The following SORCS3 variants were observed in gnomAD, a reference collection of about 807,000 sequenced individuals.
SORCS3 encodes sortilin related VPS10 domain containing receptor 3.
SORCS3 carries 57 observed loss-of-function variants against 146.3 expected under a neutral mutation model. That is an observed-to-expected ratio of 0.39 (90% confidence interval 0.31 to 0.49). The LOEUF (loss-of-function observed/expected upper bound fraction) is 0.49. Among genes scored for constraint, SORCS3 ranks in the 20% least tolerant of loss-of-function variants. SORCS3 has a pLI of 0.92. For missense variants in SORCS3, 1,341 were observed against 1,575.5 expected, an observed-to-expected ratio of 0.85 and a Z score of 2.52; for synonymous variants, 653 against 618.5, an observed-to-expected ratio of 1.06 and a Z score of -0.83.
intron 1 of SORCS3, among the ~76,000 whole-genome samples, chr10:104,655,018 C>G (rs574672338): frequency 1.3e-5 from 2 of 152,210 alleles, no homozygotes; most frequent in South Asian, 4.1e-4. Context: ...TTTGGGAGAC[C>G]AAGGCAGACA....
chr10:105,124,313 C>T (rs909518338), intron 7 of SORCS3, among the ~76,000 whole-genome samples: 4 of 152,126 alleles, frequency 2.6e-5, no homozygotes, highest in Non-Finnish European at 5.9e-5. Flanking sequence ...CCCGATTACC[C>T]CTACTTTCCT....
intron 1 of SORCS3, among the ~76,000 whole-genome samples, chr10:104,700,201 G>T (rs1385240783): frequency 6.6e-6 from 1 of 152,168 alleles, no homozygotes; most frequent in Non-Finnish European, 1.5e-5. Flanking sequence ...CCCTGTACTG[G>T]TCAGGAAGCT....
intron 1 of SORCS3, among the ~76,000 whole-genome samples, chr10:104,717,005 A>G (rs2016486923): frequency 6.6e-6 from 1 of 152,230 alleles, no homozygotes; most frequent in African/African-American, 2.4e-5. Flanking sequence ...AAATGGCAGC[A>G]TGGGCCAGGC....
intron 1 of SORCS3, among the ~76,000 whole-genome samples, chr10:104,736,229 T>G (rs1030210548): frequency 6.6e-6 from 1 of 152,188 alleles, no homozygotes; most frequent in African/African-American, 2.4e-5. Context: ...CTTGGCCAGT[T>G]GTTTGCCCTC....
intron 1 of SORCS3, among the ~76,000 whole-genome samples, chr10:104,754,939 T>C (rs2017030764): frequency 2.0e-5 from 3 of 152,120 alleles, no homozygotes; most frequent in Non-Finnish European, 4.4e-5. Flanking sequence ...AGCACAGAAA[T>C]AATCCAGATG....
intron 1 of SORCS3, among the ~76,000 whole-genome samples, chr10:104,799,076 G>A (rs2017592832): frequency 6.6e-6 from 1 of 152,146 alleles, no homozygotes; most frequent in South Asian, 2.1e-4. Context: ...TGGAGAAATA[G>A]GAACGCTTTT....
At chr10:104,693,032 C>G (rs1471613340) in intron 1 of SORCS3, among the ~76,000 whole-genome samples, 6 of 152,164 alleles carry the variant, frequency 3.9e-5, no homozygotes, top group Non-Finnish European at 7.3e-5. Context: ...CTAGTCTACC[C>G]CAGGGGCATT....
chr10:104,642,766 T>C (rs565887202), intron 1 of SORCS3, among the ~76,000 whole-genome samples: 2 of 152,116 alleles, frequency 1.3e-5, no homozygotes, highest in Admixed American at 6.5e-5. Context: ...CTGAGCGGAG[T>C]TGGGTGCCTG....
chr10:104,674,627 C>A (rs1220127949), intron 1 of SORCS3, among the ~76,000 whole-genome samples: 3 of 152,082 alleles, frequency 2.0e-5, no homozygotes, highest in African/African-American at 4.8e-5. Flanking sequence ...GCTGGAAGAC[C>A]CAGGTAAGAT....
chr10:105,103,049 A>G (rs1422428092), intron 6 of SORCS3, among the ~76,000 whole-genome samples: 1 of 152,008 alleles, frequency 6.6e-6, no homozygotes, highest in Non-Finnish European at 1.5e-5. Context: ...CGGCCTCCCA[A>G]TAGCTCTCAA....
chr10:104,893,030 T>C (rs1191428991), intron 2 of SORCS3, among the ~76,000 whole-genome samples: 2 of 152,182 alleles, frequency 1.3e-5, no homozygotes, highest in South Asian at 2.1e-4. Context: ...AATCTCCTTT[T>C]AGAAGGAGCT....
chr10:104,706,204 T>TTTTTTTTTTTTTTTTTTTTTTTTTTTTC (rs2016335347), intron 1 of SORCS3, among the ~76,000 whole-genome samples: 1 of 99,582 alleles, frequency 1.0e-5, no homozygotes, highest in Non-Finnish European at 2.4e-5. Flanking sequence ...TCTTCTTCTT[T>TTTTTTTTTTTTTTTTTTTTTTTTTTTTC]TTTTTTTTTT....
At chr10:105,081,732 A>G (rs2055627692) in intron 5 of SORCS3, among the ~76,000 whole-genome samples, 1 of 152,008 alleles carries the variant, frequency 6.6e-6, no homozygotes, top group Admixed American at 6.5e-5. Flanking sequence ...GTGGCTTCCT[A>G]TTTCCTTTTG....
At chr10:104,842,655 G>T (rs1364830393) in intron 1 of SORCS3, 137 bp from the exon 2 acceptor site, 2 of 614,314 alleles carry the variant, frequency 3.3e-6, no homozygotes, top group Non-Finnish European at 5.7e-6. Context: ...ATAATACCCC[G>T]CAACTCAATG....
At chr10:104,890,900 C>T (rs1010358658) in intron 2 of SORCS3, among the ~76,000 whole-genome samples, 2 of 152,204 alleles carry the variant, frequency 1.3e-5, no homozygotes, top group African/African-American at 2.4e-5. Context: ...TTGAGAACTA[C>T]TGATTTAGAT....
intron 1 of SORCS3, among the ~76,000 whole-genome samples, chr10:104,668,146 C>A (rs1039981425): frequency 1.3e-5 from 2 of 152,124 alleles, no homozygotes; most frequent in African/African-American, 4.8e-5. Context: ...TTTATTGCAA[C>A]AGCTGTGTGT....
chr10:105,221,870 T>C (rs2119667329), intron 19 of SORCS3, among the ~76,000 whole-genome samples: 1 of 152,140 alleles, frequency 6.6e-6, no homozygotes, highest in East Asian at 1.9e-4. Flanking sequence ...TTACATATTT[T>C]AGTTGGATTT....
chr10:104,870,587 G>C (rs992271343), intron 2 of SORCS3, among the ~76,000 whole-genome samples: 1 of 152,206 alleles, frequency 6.6e-6, no homozygotes, highest in African/African-American at 2.4e-5. Flanking sequence ...GGATCAGGTT[G>C]CTTTAGGTCT....
chr10:105,242,728 ATATATATT>A (rs1209720148), intron 20 of SORCS3, among the ~76,000 whole-genome samples: 10 of 104,310 alleles, frequency 9.6e-5, no homozygotes, highest in South Asian at 6.3e-4. Context: ...ATATACATTT[ATATATATT>A]TATATATTTA....
Sources: gnomAD v4.1 joint callset for allele counts (sites outside exome capture counted in the v4.1 genomes callset) on GRCh38, gnomAD v4.1.1 for gene constraint, MANE v1.5 for transcripts, NCBI Gene and HGNC (gene_info 2026-07-23, HGNC 2026-07-21) for gene names.